The following GRIN2B variants were observed in gnomAD, a reference collection of about 807,000 sequenced individuals.
GRIN2B encodes the protein glutamate ionotropic receptor NMDA type subunit 2B.
Under a neutral mutation model 114.5 loss-of-function variants are expected in GRIN2B, and 5 were observed. The ratio of observed to expected loss-of-function variants is 0.04; its 90% CI spans 0.02 to 0.09. The LOEUF (loss-of-function observed/expected upper bound fraction) is 0.09, where lower values mean the gene tolerates loss of function less well. Ranked by LOEUF, GRIN2B falls within the 10% of genes least tolerant of loss-of-function variation. The pLI, the probability that GRIN2B is intolerant of heterozygous loss-of-function variation, is 1.00. For synonymous variants in GRIN2B, 787 were observed against 745.1 expected (o/e 1.06, Z -0.92); for missense variants, 1,108 against 1,943.5 (o/e 0.57, Z 8.08).
At chr12:13,907,071 T>C (rs2136793654) in intron 2 of GRIN2B, among the ~76,000 whole-genome samples, 1 of 152,196 alleles carries the variant, frequency 6.6e-6, no homozygotes, top group Non-Finnish European at 1.5e-5. Context: ...CCTCACAATT[T>C]CCAAAAATTT....
intron 5 of GRIN2B, among the ~76,000 whole-genome samples, chr12:13,637,901 C>T (rs1949679847): frequency 6.6e-6 from 1 of 152,134 alleles, no homozygotes; most frequent in Non-Finnish European, 1.5e-5. Flanking sequence ...GTTTCACCAA[C>T]TCAAACAGAG....
At chr12:13,902,970 C>A (rs2136789441) in intron 2 of GRIN2B, among the ~76,000 whole-genome samples, 1 of 152,148 alleles carries the variant, frequency 6.6e-6, no homozygotes, top group South Asian at 2.1e-4. Context: ...ATTTGTAAAT[C>A]AATATTGGTG....
At chr12:13,902,093 G>C (rs12426262) in intron 2 of GRIN2B, among the ~76,000 whole-genome samples, 1 of 151,882 alleles carries the variant, frequency 6.6e-6, no homozygotes, top group South Asian at 2.1e-4. Context: ...ACACCATTCA[G>C]CTTTAAAATA....
At chr12:13,662,390 C>A (rs1444396615) in intron 5 of GRIN2B, among the ~76,000 whole-genome samples, 2 of 152,240 alleles carry the variant, frequency 1.3e-5, no homozygotes, top group East Asian at 3.9e-4. Flanking sequence ...CTTATGACAG[C>A]TGCTGAACAT....
chr12:13,917,908 G>T (rs1316751263), intron 2 of GRIN2B, among the ~76,000 whole-genome samples: 1 of 151,776 alleles, frequency 6.6e-6, no homozygotes, highest in African/African-American at 2.4e-5. Flanking sequence ...TTTTGTTTTT[G>T]TTTTTAATCC....
At chr12:13,641,645 G>A (rs957801563) in intron 5 of GRIN2B, among the ~76,000 whole-genome samples, 11 of 151,912 alleles carry the variant, frequency 7.2e-5, no homozygotes, top group African/African-American at 2.2e-4. Context: ...ATGCTGTTTC[G>A]GTAACAAAGT....
chr12:13,691,321 G>C (rs1263802950), intron 4 of GRIN2B, among the ~76,000 whole-genome samples: 7 of 152,194 alleles, frequency 4.6e-5, no homozygotes, highest in African/African-American at 1.4e-4. Context: ...ATTAAGAGTT[G>C]AGGATAGTTC....
intron 4 of GRIN2B, among the ~76,000 whole-genome samples, chr12:13,678,762 AGGCCCT>A (rs1213681703): frequency 6.6e-6 from 1 of 152,104 alleles, no homozygotes; most frequent in Admixed American, 6.6e-5. Flanking sequence ...CTCCAACCAA[AGGCCCT>A]GAAGAATTCA....
chr12:13,850,117 T>G (rs1220673626), intron 3 of GRIN2B, among the ~76,000 whole-genome samples: 3 of 152,128 alleles, frequency 2.0e-5, no homozygotes, highest in Non-Finnish European at 4.4e-5. Context: ...GGTAAAGATT[T>G]TGGTCTGTGG....
In GRIN2B at chr12:13,566,925, A is replaced by G. The variant is rs3026159; in HGVS notation, c.2598+100T>C. On this transcript the variant is annotated intron_variant, in intron 13 of 13. Coordinates refer to ENST00000609686, the MANE Select transcript of GRIN2B (RefSeq NM_000834.5). ...TGATGTGGTTTCTTGCTTGAGCAAC[A>G]TGGGGGTGGAGATAGTGTCCTCTTG... 0.082 allele frequency: 68,219 copies of G among 834,840 alleles called. 3,412 individuals carry two copies. Among genetic ancestry groups the G allele is most frequent in the African/African-American group, 0.13 (7,639 of 60,178 alleles). The allele number at this position is 834,840 out of a possible 1,614,324, so 51.7% of individuals were successfully genotyped here.
intron 2 of GRIN2B, among the ~76,000 whole-genome samples, chr12:13,904,851 A>G (rs1009211793): frequency 6.6e-6 from 1 of 152,104 alleles, no homozygotes; most frequent in Non-Finnish European, 1.5e-5. Context: ...CCATTATTCT[A>G]TAACTTCTTT....
chr12:13,653,549 G>A (rs1949837959), intron 5 of GRIN2B, among the ~76,000 whole-genome samples: 1 of 151,670 alleles, frequency 6.6e-6, no homozygotes, highest in Non-Finnish European at 1.5e-5. Context: ...GAGGGGGAGT[G>A]AGAAAAAAAG....
chr12:13,837,899 C>CT (rs1407255888), intron 3 of GRIN2B, among the ~76,000 whole-genome samples: 2 of 152,128 alleles, frequency 1.3e-5, no homozygotes, highest in Admixed American at 1.3e-4. Flanking sequence ...GCTCCTACCT[C>CT]CCTGCCTCCC....
At chr12:13,911,001 C>G (rs551530360) in intron 2 of GRIN2B, among the ~76,000 whole-genome samples, 61 of 151,994 alleles carry the variant, frequency 4.0e-4, no homozygotes, top group Admixed American at 7.2e-4. Flanking sequence ...ATCACCCTTA[C>G]GTAAAAGATA....
intron 3 of GRIN2B, among the ~76,000 whole-genome samples, chr12:13,769,241 A>G (rs1863860919): frequency 6.6e-6 from 1 of 152,118 alleles, no homozygotes; most frequent in South Asian, 2.1e-4. Flanking sequence ...GGCCTGAGAC[A>G]GGGGACAGAG....
intron 5 of GRIN2B, among the ~76,000 whole-genome samples, chr12:13,625,425 C>T (rs545621605): frequency 9.8e-5 from 15 of 152,292 alleles, no homozygotes; most frequent in African/African-American, 3.6e-4. Context: ...AGAATGGTGG[C>T]TGGTGGCAGT....
chr12:13,734,641 G>A (rs921859767), intron 4 of GRIN2B, among the ~76,000 whole-genome samples: 3 of 152,098 alleles, frequency 2.0e-5, no homozygotes, highest in African/African-American at 7.2e-5. Flanking sequence ...AAATGTTTGT[G>A]TCTACTGTGC....
intron 5 of GRIN2B, among the ~76,000 whole-genome samples, chr12:13,662,066 G>A (rs1003862786): frequency 6.6e-6 from 1 of 152,154 alleles, no homozygotes; most frequent in African/African-American, 2.4e-5. Context: ...TGCTCACTTA[G>A]AACAGTAGGC....
chr12:13,857,947 G>C (rs543353299), intron 3 of GRIN2B, among the ~76,000 whole-genome samples: 124 of 152,154 alleles, frequency 8.1e-4, no homozygotes, highest in Non-Finnish European at 1.6e-3. Flanking sequence ...AAAATGCCAG[G>C]CGAACCCCAG....
Sources: allele counts gnomAD v4.1 joint callset (sites outside exome capture counted in the v4.1 genomes callset), GRCh38; gene constraint gnomAD v4.1.1; transcripts MANE v1.5; gene names NCBI Gene and HGNC (gene_info 2026-07-23, HGNC 2026-07-21).